The following FKBP10 variants were observed in gnomAD, a reference collection of about 807,000 sequenced individuals.
FKBP10 encodes the protein FKBP prolyl isomerase 10.
Under a neutral mutation model 53.7 loss-of-function variants are expected in FKBP10, and 34 were observed. The ratio of observed to expected loss-of-function variants is 0.63; its 90% CI spans 0.48 to 0.84. The LOEUF (loss-of-function observed/expected upper bound fraction) is 0.84, where lower values mean the gene tolerates loss of function less well. Ranked by LOEUF, FKBP10 falls within the 40% of genes least tolerant of loss-of-function variation. FKBP10 has a pLI of 0.00. For synonymous variants in FKBP10, 324 were observed against 335.7 expected (o/e 0.97, Z 0.38); for missense variants, 748 against 797.8 (o/e 0.94, Z 0.75).
At position 41,813,022 on chromosome 17, in the gene FKBP10, A is replaced by G; in HGVS notation, c.-13A>G. On this transcript the variant is annotated 5_prime_UTR_variant, in exon 1 of 10. Coordinates refer to ENST00000321562, the MANE Select transcript of FKBP10 (RefSeq NM_021939.4). ...GCTCGCCCTCACTGCCGGCGGTCCC[A>G]ACTCCAGGCACCATGTTCCCCGCGG... 1 of 1,609,478 alleles carries G rather than the reference A, an allele frequency of 6.2e-7. No individual in the cohort carries two copies. The highest frequency in any genetic ancestry group is 1.1e-5 in the South Asian group (1 of 90,950).
At position 41,822,266 on chromosome 17, in the gene FKBP10, G is replaced by A. The variant is rs533463011; in HGVS notation, c.1607G>A (p.Arg536His). The change falls in exon 10 of 10, where the codon CGC becomes CAC. Residue 536 changes from arginine (R) to histidine (H), a missense_variant. Physicochemically the swap from Arg to His is conservative, Grantham distance 29. Transcript: ENST00000321562. ...IKAQVSEGKG[R>H]LMPGQDPEKT... ...GCTCAAGTGAGTGAGGGCAAAGGAC[G>A]CCTCATGCCTGGGCAGGACCCTGAG... is the stretch of plus-strand genomic sequence containing the variant. The A allele has an allele frequency of 8.7e-6, 14 of 1,613,736 alleles. No homozygotes were observed. The highest frequency in any genetic ancestry group is 5.3e-5 in the African/African-American group (4 of 74,928).
intron 2 of FKBP10, 123 bp from the exon 3 acceptor site, chr17:41,817,966 T>A: frequency 3.1e-6 from 3 of 970,620 alleles, no homozygotes; most frequent in Non-Finnish European, 4.7e-6. Context: ...AATAGTGGCA[T>A]CTCTGTCCCT....
Position 41,813,246 on chromosome 17 carries a change from G to A in FKBP10, c.212G>A (p.Gly71Asp). ...MGDFVRYHYN[G>D]TFEDGKKFDS... ...GATTTTGTGCGCTACCACTACAACGGCACTTTTGAAGATGGCAAGAAGTTT... is the reference window on the plus strand; with the variant it reads ...GATTTTGTGCGCTACCACTACAACGACACTTTTGAAGATGGCAAGAAGTTT... Residue 71 changes from glycine (G) to aspartate (D), a missense_variant, in exon 1 of 10, where the codon GGC (glycine) becomes GAC (aspartate). Physicochemically the swap from Gly to Asp is moderately conservative, Grantham distance 94. Coordinates refer to ENST00000321562, the MANE Select transcript of FKBP10 (RefSeq NM_021939.4). The A allele has an allele frequency of 6.2e-7, 1 of 1,613,804 alleles. No homozygotes were observed. Among genetic ancestry groups the A allele is most frequent in the Non-Finnish European group, 8.5e-7 (1 of 1,179,982 alleles).
Position 41,820,948 on chromosome 17 carries a change from C to T in FKBP10, c.1258C>T (p.His420Tyr), listed in dbSNP as rs782431151. 6.2e-7 allele frequency: 1 copy of T among 1,611,796 alleles called. No homozygotes were observed. Among genetic ancestry groups the T allele is most frequent in the African/African-American group, 1.3e-5 (1 of 74,966 alleles). The change falls in exon 8 of 10, where the codon CAT becomes TAT. Residue 420 changes from histidine to tyrosine, a missense_variant and splice_region_variant. Transcript: ENST00000321562. ...LLDGTQLFTSHDYGAPQEATL... is the reference protein window; with the variant it reads ...LLDGTQLFTSYDYGAPQEATL... ...ACCTGGGCATCTGCTCTCCCCCAGG[C>T]ATGACTACGGGGCCCCCCAGGAGGC...
rs150313949 is a variant in FKBP10 at position 41,817,065 on chromosome 17, C to A, written c.253C>A (p.Arg85Ser). Residue 85 changes from arginine to serine, a missense_variant, in exon 2 of 10, where the codon CGC becomes AGC. Transcript: ENST00000321562. ...CTGTCCCTCCCCCCCCAGCTATGAT[C>A]GCAACACCTTGGTGGCCATCGTGGT... ...DGKKFDSSYD[R>S]NTLVAIVVGV... 1 of 1,613,938 alleles carries A rather than the reference C, an allele frequency of 6.2e-7. No homozygotes were observed.
chr17:41,819,740 C>T, intron 6 of FKBP10, 65 bp downstream of exon 6: 1 of 1,556,724 alleles, frequency 6.4e-7, no homozygotes, highest in East Asian at 2.4e-5. Flanking sequence ...TCTAGGCCAC[C>T]CCCTCCCACA....
chr17:41,814,750 TG>T (rs2047793717), intron 1 of FKBP10, among the ~76,000 whole-genome samples: 1 of 150,270 alleles, frequency 6.7e-6, no homozygotes, highest in African/African-American at 2.4e-5. Flanking sequence ...GAAAACTTTT[TG>T]TTTTTTAGCT....
chr17:41,819,272 C>T lies in FKBP10; in HGVS notation c.790C>T (p.Pro264Ser). ...FHVLLIDVHN[P>S]KDAVQLETLE... ...CGTCCTCCTGATTGACGTGCACAAC[C>T]CGAAGGACGCTGTCCAGCTAGAGAC... Residue 264 changes from proline to serine, a missense_variant, in exon 5 of 10, where the codon CCG becomes TCG. Physicochemically the swap from Pro to Ser is moderately conservative, Grantham distance 74. Transcript: ENST00000321562. 6.2e-7 allele frequency: 1 copy of T among 1,614,162 alleles called. No individual in the cohort carries two copies. Among genetic ancestry groups the T allele is most frequent in the East Asian group, 2.2e-5 (1 of 44,872 alleles).
Position 41,822,430 on chromosome 17 carries a change from C to G in FKBP10, c.*22C>G. ...CTGAGGGGCAGGGAGCCTGGCCAGG[C>G]CTGAGACACAGAGGCCCACTGCGAG... On this transcript the variant is annotated 3_prime_UTR_variant, in exon 10 of 10. Coordinates refer to ENST00000321562, the MANE Select transcript of FKBP10 (RefSeq NM_021939.4). The G allele has an allele frequency of 6.3e-7, 1 of 1,584,758 alleles. No homozygotes were observed. Among genetic ancestry groups the G allele is most frequent in the Non-Finnish European group, 8.6e-7 (1 of 1,165,336 alleles).
At position 41,823,011 on chromosome 17, in the gene FKBP10, GAA is replaced by G. The variant is rs2047910787; in HGVS notation, c.*604_*605del. 1.2e-4 allele frequency: 9 copies of G among 72,006 alleles called. No individual in the cohort carries two copies. The Admixed American group carries it at 1.4e-3, about 11-fold the overall frequency. The allele number at this position is 72,006 out of a possible 1,614,324, so 4.5% of individuals were successfully genotyped here. A position where few individuals can be genotyped will look rare whatever the true frequency, so the allele number is the denominator to read the frequency against. ...CTGTAGTTAGCTTTTCATCCCTAAA[GAA>G]GGCTCCTTTCCCTAAGGAACCATAG... On this transcript the variant is annotated 3_prime_UTR_variant, in exon 10 of 10. Transcript: ENST00000321562.
rs782316942 is a variant in FKBP10 at position 41,817,097 on chromosome 17, G to A, written c.285G>A (p.Val95=). 2.5e-6 allele frequency: 4 copies of A among 1,613,966 alleles called. No individual in the cohort carries two copies. Among genetic ancestry groups the A allele is most frequent in the Non-Finnish European group, 3.4e-6 (4 of 1,180,042 alleles). Residue 95 remains valine (V), a synonymous_variant, in exon 2 of 10, where the codon GTG becomes GTA. Transcript: ENST00000321562. ...RNTLVAIVVG[V]GRLITGMDRG... ...CCTTGGTGGCCATCGTGGTGGGTGT[G>A]GGGCGCCTCATCACTGGCATGGACC...
At chr17:41,817,325 C>T (rs190930399) in intron 2 of FKBP10, 122 bp downstream of exon 2, 33 of 1,336,386 alleles carry the variant, frequency 2.5e-5, no homozygotes, top group African/African-American at 2.3e-4. Context: ...ACACTGTGCA[C>T]GCAGTATGAA....
rs34177433 is a variant in FKBP10 at position 41,818,934 on chromosome 17, T to C, written c.728-276T>C. On this transcript the variant is annotated intron_variant, in intron 4 of 9. Coordinates refer to ENST00000321562, the MANE Select transcript of FKBP10 (RefSeq NM_021939.4). The stretch of plus-strand genomic sequence containing the variant: ...TCGCGCCACTGCACTCCAGCCTGGG[T>C]GACAGAGCGAGACTCTGTCTCAAAA... The C allele has an allele frequency of 0.14, 51,842 of 360,946 alleles. 4,105 individuals are homozygous for C. The highest frequency in any genetic ancestry group is 0.17 in the East Asian group (2,683 of 16,162). The allele number at this position is 360,946 out of a possible 1,614,324, so 22.4% of individuals were successfully genotyped here. A position where few individuals can be genotyped will look rare whatever the true frequency, so the allele number is the denominator to read the frequency against.
In FKBP10 at chr17:41,822,543, GGAGAC is replaced by G; in HGVS notation, c.*136_*140del. The G allele has an allele frequency of 1.0e-6, 1 of 968,152 alleles. No individual in the cohort carries two copies. Among genetic ancestry groups the G allele is most frequent in the Non-Finnish European group, 1.6e-6 (1 of 630,434 alleles). 60.0% of individuals were successfully genotyped at this position (968,152 alleles called of 1,614,324 possible). On this transcript the variant is annotated 3_prime_UTR_variant, in exon 10 of 10. Coordinates refer to ENST00000321562, the MANE Select transcript of FKBP10 (RefSeq NM_021939.4). ...AGGAGCCAACTAAAACAATGGCAGA[GGAGAC>G]ATCTCTGGTGTTCCCACCACCCTAG...
At chr17:41,820,559 C>A in intron 7 of FKBP10, 98 bp downstream of exon 7, 1 of 1,272,006 alleles carries the variant, frequency 7.9e-7, no homozygotes, top group Non-Finnish European at 1.1e-6. Flanking sequence ...CCCTCTTGGT[C>A]CTCGAGCGCC....
At chr17:41,816,429 A>T (rs1403264171) in intron 1 of FKBP10, among the ~76,000 whole-genome samples, 1 of 151,716 alleles carries the variant, frequency 6.6e-6, no homozygotes, top group Non-Finnish European at 1.5e-5. Context: ...ACGGGGTTTC[A>T]CTGTGTTAGC....
At chr17:41,820,925 C>G (rs782161135) in intron 7 of FKBP10, 22 bp from the exon 8 acceptor site, 3 of 1,609,388 alleles carry the variant, frequency 1.9e-6, no homozygotes, top group Non-Finnish European at 2.5e-6. Context: ...GGCTGCTGAC[C>G]TGGGCATCTG....
intron 1 of FKBP10, among the ~76,000 whole-genome samples, chr17:41,813,785 G>C (rs2144043781): frequency 6.6e-6 from 1 of 152,240 alleles, no homozygotes; most frequent in South Asian, 2.1e-4. Flanking sequence ...GGTGGGCAGG[G>C]AAAAAGGCTG....
Position 41,819,289 on chromosome 17 carries a change from G to A in FKBP10, c.807G>A (p.Gln269=). Residue 269 remains glutamine (Q), a synonymous_variant, in exon 5 of 10, where the codon CAG becomes CAA. Coordinates refer to ENST00000321562, the MANE Select transcript of FKBP10 (RefSeq NM_021939.4). ...IDVHNPKDAV[Q]LETLELPPGC... ...TGCACAACCCGAAGGACGCTGTCCA[G>A]CTAGAGACGCTGGAGCTCCCCCCCG... 6.2e-7 allele frequency: 1 copy of A among 1,614,186 alleles called. No homozygotes were observed. Among genetic ancestry groups the A allele is most frequent in the Non-Finnish European group, 8.5e-7 (1 of 1,180,036 alleles).
Sources: allele counts gnomAD v4.1 joint callset (sites outside exome capture counted in the v4.1 genomes callset), GRCh38; gene constraint gnomAD v4.1.1; transcripts MANE v1.5; gene names NCBI Gene and HGNC (gene_info 2026-07-23, HGNC 2026-07-21).